Variants in ZNF827 observed in about 807,000 individuals in gnomAD.
The protein encoded by ZNF827 is zinc finger protein 827.
Under a neutral mutation model 102.4 loss-of-function variants are expected in ZNF827, and 13 were observed. That is an observed-to-expected ratio of 0.13 (90% CI 0.08 to 0.20). ZNF827 has a LOEUF of 0.20. Among genes scored for constraint, ZNF827 ranks in the 10% least tolerant of loss-of-function variants. The pLI is 1.00. For synonymous variants in ZNF827, 523 were observed against 536.2 expected, an observed-to-expected ratio of 0.98 and a Z score of 0.34; for missense variants, 1,103 against 1,344.4, an observed-to-expected ratio of 0.82 and a Z score of 2.81.
At chr4:145,823,604 A>G in intron 7 of ZNF827, 79 bp from the exon 8 acceptor site, 2 of 877,720 alleles carry the variant, frequency 2.3e-6, no homozygotes, top group Non-Finnish European at 1.9e-6. Context: ...CCAAATACAT[A>G]TATACGCAAT....
chr4:145,910,881 G>A (rs867347647), intron 1 of ZNF827, among the ~76,000 whole-genome samples: 1 of 152,110 alleles, frequency 6.6e-6, no homozygotes, highest in African/African-American at 2.4e-5. Context: ...CCTCAGGTCT[G>A]CCCTCAAACC....
At chr4:145,798,197 T>G (rs1740554471) in intron 8 of ZNF827, among the ~76,000 whole-genome samples, 1 of 152,220 alleles carries the variant, frequency 6.6e-6, no homozygotes, top group Non-Finnish European at 1.5e-5. Flanking sequence ...TCAAGCAATA[T>G]ATATGGTTTG....
chr4:145,785,472 A>G (rs11722226), intron 8 of ZNF827, among the ~76,000 whole-genome samples: 61,049 of 151,904 alleles, frequency 0.4, 14,029 homozygotes, highest in Non-Finnish European at 0.54. Flanking sequence ...TTCAGATCCA[A>G]TTTGTTCATT....
At chr4:145,829,360 T>C (rs999786272) in intron 7 of ZNF827, among the ~76,000 whole-genome samples, 3 of 152,182 alleles carry the variant, frequency 2.0e-5, no homozygotes, top group Non-Finnish European at 4.4e-5. Flanking sequence ...CTGACTTCTA[T>C]CTGCACAGAG....
At chr4:145,916,099 A>G (rs1352954027) in intron 1 of ZNF827, among the ~76,000 whole-genome samples, 1 of 152,178 alleles carries the variant, frequency 6.6e-6, no homozygotes, top group African/African-American at 2.4e-5. Context: ...AGTTCATCCA[A>G]GGGTTGGTCT....
intron 4 of ZNF827, among the ~76,000 whole-genome samples, chr4:145,882,209 T>C (rs999551948): frequency 1.3e-5 from 2 of 152,182 alleles, no homozygotes; most frequent in Admixed American, 1.3e-4. Flanking sequence ...TGCAATGATT[T>C]GCATATGCTT....
intron 7 of ZNF827, among the ~76,000 whole-genome samples, chr4:145,834,519 G>A (rs933155839): frequency 2.6e-5 from 4 of 151,990 alleles, no homozygotes; most frequent in Non-Finnish European, 4.4e-5. Flanking sequence ...CACCTGGTCC[G>A]GCTTACAGTT....
At chr4:145,827,428 T>C (rs1237973670) in intron 7 of ZNF827, among the ~76,000 whole-genome samples, 1 of 152,162 alleles carries the variant, frequency 6.6e-6, no homozygotes, top group Non-Finnish European at 1.5e-5. Flanking sequence ...TTTATTTCCC[T>C]ATAGAAGTTA....
At position 145,902,196 on chromosome 4, in the gene ZNF827, T is replaced by G; in HGVS notation, c.1063A>C (p.Lys355Gln). 6.2e-7 allele frequency: 1 copy of G among 1,605,968 alleles called. No individual in the cohort carries two copies. Among genetic ancestry groups the G allele is most frequent in the Non-Finnish European group, 8.5e-7 (1 of 1,176,824 alleles). ...SLELLLLPVP[K>Q]GRVSKPSNSA... is the part of the protein sequence containing the mutation. ...TTGGAGGGTTTAGAAACTCTTCCCT[T>G]AGGAACTGGGAGTAATAATAATTCC... The change falls in exon 2 of 15, where the codon AAG becomes CAG. Residue 355 changes from lysine (K) to glutamine (Q), a missense_variant. Physicochemically the swap from Lys to Gln is moderately conservative, Grantham distance 53 (BLOSUM62 1). Transcript: ENST00000508784. The surrounding 1 kb of genome is among the most constrained non-coding windows in gnomAD (Gnocchi z 4.3).
chr4:145,772,946 T>A (rs1736508606), intron 11 of ZNF827, among the ~76,000 whole-genome samples: 1 of 152,194 alleles, frequency 6.6e-6, no homozygotes, highest in African/African-American at 2.4e-5. Flanking sequence ...GACAATTAAA[T>A]GATGACAAGT....
chr4:145,879,823 C>T (rs1028631629), intron 4 of ZNF827, among the ~76,000 whole-genome samples: 7 of 152,140 alleles, frequency 4.6e-5, no homozygotes, highest in African/African-American at 7.2e-5. Flanking sequence ...AATTCCACAA[C>T]GCACAAGAAG....
chr4:145,906,053 T>A (rs1751845297), intron 1 of ZNF827, among the ~76,000 whole-genome samples: 2 of 152,158 alleles, frequency 1.3e-5, no homozygotes, highest in Non-Finnish European at 2.9e-5. Flanking sequence ...ACACATCAAA[T>A]CTTGTCATTT....
At chr4:145,772,092 C>T (rs1039929871) in intron 11 of ZNF827, among the ~76,000 whole-genome samples, 1 of 152,136 alleles carries the variant, frequency 6.6e-6, no homozygotes, top group African/African-American at 2.4e-5. Context: ...ACATAGATTA[C>T]AGAAATAAGT....
Position 145,762,235 on chromosome 4 carries a change from T to TACAGG in ZNF827, c.*18-642_*18-638dup, listed in dbSNP as rs1173769508. Among the ~76,000 whole-genome samples, 1 of 152,108 alleles carries TACAGG rather than the reference T, an allele frequency of 6.6e-6. No individual in the cohort carries two copies. Among genetic ancestry groups the TACAGG allele is most frequent in the Non-Finnish European group, 1.5e-5 (1 of 68,016 alleles). On this transcript the variant is annotated intron_variant, in intron 14 of 14. Coordinates refer to ENST00000508784, the MANE Select transcript of ZNF827 (RefSeq NM_001306215.2). The surrounding 1 kb of genome is among the most constrained non-coding windows in gnomAD (Gnocchi z 4.9). The stretch of plus-strand genomic sequence containing the variant: ...TATGTACTCGTAAAACATATCTCCC[T>TACAGG]ACAGGACTAGCTCTTTGTCAGGAAA...
At chr4:145,906,954 T>C (rs764430072) in intron 1 of ZNF827, 1 of 423,772 alleles carries the variant, frequency 2.4e-6, no homozygotes, top group East Asian at 7.0e-5. Flanking sequence ...CTACTGAAAT[T>C]GAGGTTATTC....
chr4:145,885,871 C>T lies in ZNF827; in HGVS notation c.1554G>A (p.Ser518=), dbSNP rs769451898. The part of the protein sequence containing the change: ...ERTSQGGAGV[S]PLLVKEEPKE... ...TGGGTTCCTCCTTCACCAGCAAAGG[C>T]GAGACGCCAGCCCCTCCCTGGCTAG... Residue 518 remains serine (S), a synonymous_variant, in exon 4 of 15, where the codon TCG becomes TCA. Transcript: ENST00000508784. 6.6e-5 allele frequency: 107 copies of T among 1,614,096 alleles called. No homozygotes were observed. Among genetic ancestry groups the T allele is most frequent in the East Asian group, 3.8e-4 (17 of 44,888 alleles).
At chr4:145,868,579 G>A (rs1321262009) in intron 5 of ZNF827, among the ~76,000 whole-genome samples, 1 of 152,174 alleles carries the variant, frequency 6.6e-6, no homozygotes, top group African/African-American at 2.4e-5. Context: ...GACATATTCT[G>A]TTTGGGGGAT....
At chr4:145,829,372 CA>C (rs1368342399) in intron 7 of ZNF827, among the ~76,000 whole-genome samples, 3 of 151,776 alleles carry the variant, frequency 2.0e-5, no homozygotes, top group Non-Finnish European at 4.4e-5. Context: ...TGCACAGAGA[CA>C]AATTACCTTA....
intron 4 of ZNF827, among the ~76,000 whole-genome samples, chr4:145,880,688 A>T (rs902811954): frequency 6.6e-6 from 1 of 152,248 alleles, no homozygotes; most frequent in African/African-American, 2.4e-5. Flanking sequence ...CCCTAAATGC[A>T]GCTGCTCACA....
Sources: gnomAD v4.1 joint callset for allele counts (sites outside exome capture counted in the v4.1 genomes callset) on GRCh38, gnomAD v4.1.1 for gene constraint, Gnocchi (gnomAD v3.1) non-coding constraint, MANE v1.5 for transcripts, NCBI Gene and HGNC (gene_info 2026-07-23, HGNC 2026-07-21) for gene names.